P2RX5: variants seen among roughly 807,000 people sequenced by gnomAD.
P2RX5 encodes P2X purinoceptor 5.
A neutral mutation model predicts 54.1 loss-of-function variants in P2RX5; 46 were observed. The ratio of observed to expected loss-of-function variants is 0.85; its 90% CI spans 0.67 to 1.09. The LOEUF (loss-of-function observed/expected upper bound fraction) is 1.09, where lower values mean the gene tolerates loss of function less well. Ranked by LOEUF, P2RX5 falls within the 50% of genes least tolerant of loss-of-function variation. P2RX5 has a pLI of 0.00. For missense variants in P2RX5, 566 were observed against 549.8 expected (o/e 1.03, Z -0.29); for synonymous variants, 226 against 226.4 (o/e 1.00, Z 0.02).
the P2RX5 span, among the ~76,000 whole-genome samples, chr17:3,722,210 G>A: frequency 6.6e-6 from 1 of 151,552 alleles, no homozygotes. Context: ...GGTCGGGTGC[G>A]GTGGCTCACG....
chr17:3,690,176 T>C, intron 5 of P2RX5, 26 bp from the exon 6 acceptor site: 1 of 1,602,954 alleles, frequency 6.2e-7, no homozygotes, highest in Non-Finnish European at 8.5e-7. Flanking sequence ...GAACAGCCTG[T>C]CCAGGAGGCC....
the P2RX5 span, chr17:3,723,632 G>A: frequency 6.7e-7 from 1 of 1,491,356 alleles, no homozygotes; most frequent in Non-Finnish European, 9.0e-7. Flanking sequence ...CTGGCCTCTC[G>A]TTACCCGCTT....
the P2RX5 span, among the ~76,000 whole-genome samples, chr17:3,719,277 T>C: frequency 8.2e-6 from 1 of 122,266 alleles, no homozygotes; most frequent in Admixed American, 7.4e-5. Context: ...GAAAAAGAAA[T>C]ACACTACTTA....
At chr17:3,699,909 G>A (rs879369235), upstream of P2RX5, among the ~76,000 whole-genome samples, 972 of 38,288 alleles carry the variant, frequency 0.025, 17 homozygotes, top group South Asian at 0.091. Flanking sequence ...AAGGAAGGAA[G>A]GAAGGAAGGA....
chr17:3,708,710 A>G, the P2RX5 span, among the ~76,000 whole-genome samples: 1 of 152,186 alleles, frequency 6.6e-6, no homozygotes, highest in Admixed American at 6.5e-5. Flanking sequence ...GCTTCTTTAC[A>G]AATTGTGATT....
At chr17:3,682,676 G>A (rs1464892117) in intron 9 of P2RX5, 1 of 158,982 alleles carries the variant, frequency 6.3e-6, no homozygotes, top group Non-Finnish European at 1.4e-5. Context: ...GGTAGTCAGT[G>A]TGAGATAGGT....
chr17:3,701,168 G>A (rs560680927), upstream of P2RX5, among the ~76,000 whole-genome samples: 4 of 152,206 alleles, frequency 2.6e-5, no homozygotes, highest in East Asian at 1.9e-4. Context: ...GCACAAGGAC[G>A]GCTTTGAATG....
intron 11 of P2RX5, chr17:3,677,763 A>G (rs187401663): frequency 2.8e-5 from 28 of 985,358 alleles, no homozygotes; most frequent in Non-Finnish European, 3.1e-5. Flanking sequence ...TACAGCTCAT[A>G]TGAATGAGTG....
At chr17:3,697,141 G>A (rs1230202722), upstream of P2RX5, among the ~76,000 whole-genome samples, 1 of 152,048 alleles carries the variant, frequency 6.6e-6, no homozygotes, top group Non-Finnish European at 1.5e-5. Flanking sequence ...GGATGGTGCG[G>A]GGGTGGGGGG....
At chr17:3,705,801 T>TTTTTTC in the P2RX5 span, among the ~76,000 whole-genome samples, 2 of 152,122 alleles carry the variant, frequency 1.3e-5, no homozygotes, top group African/African-American at 2.4e-5. Context: ...AGAAGATTAC[T>TTTTTTC]TTTTTCTTTT....
chr17:3,681,031 G>GTCCTCCACCCAGCGTCCTCCACCCTGCA, intron 10 of P2RX5, among the ~76,000 whole-genome samples: 1 of 107,780 alleles, frequency 9.3e-6, no homozygotes, highest in South Asian at 3.2e-4. Context: ...TCCACCCTGC[G>GTCCTCCACCCAGCGTCCTCCACCCTGCA]TCCTCCACCC....
the P2RX5 span, among the ~76,000 whole-genome samples, chr17:3,713,952 C>G: frequency 1.3e-5 from 2 of 151,142 alleles, no homozygotes; most frequent in Non-Finnish European, 3.0e-5. Context: ...TTTTTTGAGA[C>G]AGTCTTGCTC....
intron 10 of P2RX5, 45 bp downstream of exon 10, chr17:3,681,851 T>C: frequency 1.5e-6 from 2 of 1,324,912 alleles, no homozygotes; most frequent in Non-Finnish European, 2.2e-6. Context: ...ACGGGGGTGC[T>C]CCACAGGGCT....
chr17:3,704,281 C>A, the P2RX5 span, among the ~76,000 whole-genome samples: 1 of 152,160 alleles, frequency 6.6e-6, no homozygotes, highest in South Asian at 2.1e-4. Flanking sequence ...CACAGAAGGT[C>A]ATTCCGCGAT....
chr17:3,689,141 CTGCCACAGCCTGCCTGTG>C (rs201833438), intron 7 of P2RX5, among the ~76,000 whole-genome samples: 1,948 of 152,324 alleles, frequency 0.013, 24 homozygotes, highest in East Asian at 0.041. Context: ...GGTCTGAGCG[CTGCCACAGCCTGCCTGTG>C]TGCCACAGCC....
the P2RX5 span, among the ~76,000 whole-genome samples, chr17:3,711,681 G>C: frequency 0.1 from 15,502 of 150,530 alleles, 872 homozygotes; most frequent in Middle Eastern, 0.16. Flanking sequence ...ACTGCGCCCG[G>C]CCTCATTATT....
chr17:3,677,158 TG>T (rs2050123327), intron 11 of P2RX5: 1 of 984,884 alleles, frequency 1.0e-6, no homozygotes, highest in Non-Finnish European at 1.2e-6. Flanking sequence ...ATAAGACAGG[TG>T]GGGACGGAGG....
At position 3,685,657 on chromosome 17, in the gene P2RX5, T is replaced by TCCCCCCG. The variant is rs543421315; in HGVS notation, c.981+2354_981+2355insCGGGGGG. 5 of 75,902 alleles carry TCCCCCCG rather than the reference T, an allele frequency of 6.6e-5. 1 individual carries two copies. The highest frequency in any genetic ancestry group is 2.3e-4 in the African/African-American group (5 of 22,084). 4.7% of individuals were successfully genotyped at this position (75,902 alleles called of 1,614,324 possible). ...CCCAGGGACCCTCCCAGCGTCCCCCTCCCAGCCTGAGAACAGGAGAACGCA... is the reference window on the plus strand; with the variant it reads ...CCCAGGGACCCTCCCAGCGTCCCCCTCCCCCCGCCCAGCCTGAGAACAGGAGAACGCA... On this transcript the variant is annotated intron_variant, in intron 9 of 11. Coordinates refer to ENST00000225328, the MANE Select transcript of P2RX5 (RefSeq NM_002561.4).
intron 1 of P2RX5, among the ~76,000 whole-genome samples, chr17:3,692,471 G>GGGGTTGTGA (rs1361670532): frequency 4.6e-5 from 7 of 152,146 alleles, no homozygotes; most frequent in Admixed American, 1.3e-4. Context: ...GCCTCCCTCT[G>GGGGTTGTGA]GGGTTGTGAT....
Sources: allele counts gnomAD v4.1 joint callset (sites outside exome capture counted in the v4.1 genomes callset), GRCh38; gene constraint gnomAD v4.1.1; transcripts MANE v1.5; gene names NCBI Gene and HGNC (gene_info 2026-07-23, HGNC 2026-07-21).